The following KDR variants were observed in gnomAD, a reference collection of about 807,000 sequenced individuals.
KDR encodes vascular endothelial growth factor receptor 2.
In KDR, 43 loss-of-function variants were observed where a neutral mutation model predicts 160.9. That is an observed-to-expected ratio of 0.27 (90% CI 0.21 to 0.34). The LOEUF (loss-of-function observed/expected upper bound fraction) is 0.34. Ranked by LOEUF, KDR falls within the 10% of genes least tolerant of loss-of-function variation. The pLI is 1.00. For synonymous variants in KDR, 617 were observed against 600.1 expected, an observed-to-expected ratio of 1.03 and a Z score of -0.41; for missense variants, 1,469 against 1,666.4, an observed-to-expected ratio of 0.88 and a Z score of 2.06.
chr4:55,096,414 C>A, intron 18 of KDR, 72 bp from the exon 19 acceptor site: 1 of 1,009,358 alleles, frequency 9.9e-7, no homozygotes, highest in Non-Finnish European at 1.6e-6. Context: ...CCCTCCCTCC[C>A]TGCATGCCAC....
chr4:55,095,143 G>T (rs1309255938), intron 20 of KDR, among the ~76,000 whole-genome samples, 188 bp from the exon 21 acceptor site: 1 of 152,122 alleles, frequency 6.6e-6, no homozygotes, highest in Non-Finnish European at 1.5e-5. Context: ...GCATAATAGG[G>T]TTTCTTCCAC....
In KDR at chr4:55,125,221, C is replaced by A; in HGVS notation, c.67+6G>T. ...CTGCCTTCCTCCTCCAGAGTGGGCT[C>A]CTTACCCACAGAGGCGGCCCGGGTC... On this transcript the variant is annotated splice_donor_region_variant and intron_variant, in intron 1 of 29. Transcript: ENST00000263923. 1 of 1,611,724 alleles carries A rather than the reference C, an allele frequency of 6.2e-7. No individual in the cohort carries two copies. Among genetic ancestry groups the A allele is most frequent in the Admixed American group, 1.7e-5 (1 of 59,790 alleles).
chr4:55,083,921 T>G (rs1431467628), intron 27 of KDR, among the ~76,000 whole-genome samples: 1 of 152,148 alleles, frequency 6.6e-6, no homozygotes, highest in African/African-American at 2.4e-5. Flanking sequence ...GTCCAACCCC[T>G]AAAAGTAACA....
intron 21 of KDR, among the ~76,000 whole-genome samples, chr4:55,094,593 G>T (rs1720102853): frequency 6.6e-6 from 1 of 152,178 alleles, no homozygotes; most frequent in African/African-American, 2.4e-5. Context: ...GATTTCTCAG[G>T]CTAGCCCTGC....
chr4:55,087,854 A>T, intron 26 of KDR, 96 bp from the exon 27 acceptor site: 1 of 1,123,942 alleles, frequency 8.9e-7, no homozygotes, highest in Non-Finnish European at 1.3e-6. Flanking sequence ...TTGGCTACAT[A>T]GGGTGTGTGG....
chr4:55,113,993 G>A (rs1258587226), intron 6 of KDR, 133 bp downstream of exon 6: 2 of 856,992 alleles, frequency 2.3e-6, no homozygotes, highest in African/African-American at 1.7e-5. Context: ...GTGTGTGTGA[G>A]TGGGTGTGTA....
Position 55,125,400 on chromosome 4 carries a change from G to C in KDR, c.-107C>G, listed in dbSNP as rs750071532. The C allele has an allele frequency of 8.7e-6, 12 of 1,385,594 alleles. No individual in the cohort carries two copies. Among genetic ancestry groups the C allele is most frequent in the Non-Finnish European group, 1.2e-5 (12 of 1,008,552 alleles). The allele number at this position is 1,385,594 out of a possible 1,614,324, so 85.8% of individuals were successfully genotyped here. A position where few individuals can be genotyped will look rare whatever the true frequency, so the allele number is the denominator to read the frequency against. ...GAGGTGGAACTCGCGGCACCCCGCA[G>C]CGCAGGACAGTTGAGCGCACAGGGC... On this transcript the variant is annotated 5_prime_UTR_variant, in exon 1 of 30. Transcript: ENST00000263923.
chr4:55,115,850 T>C (rs1050802690), intron 3 of KDR, among the ~76,000 whole-genome samples: 1 of 152,238 alleles, frequency 6.6e-6, no homozygotes, highest in Non-Finnish European at 1.5e-5. Context: ...AATACTCATG[T>C]GCTCTCTCTT....
chr4:55,118,675 T>C lies in KDR; in HGVS notation c.287A>G (p.Asn96Ser), dbSNP rs749008787. 3 of 1,614,202 alleles carry C rather than the reference T, an allele frequency of 1.9e-6. No homozygotes were observed. The highest frequency in any genetic ancestry group is 3.3e-5 in the Admixed American group (2 of 60,022). ...KTLTIPKVIG[N>S]DTGAYKCFYR... ...GAAGCACTTGTAGGCTCCAGTGTCA[T>C]TTCCGATCACTTTTGGAATTGTGAG... is the stretch of plus-strand genomic sequence containing the variant. The change falls in exon 3 of 30, where the codon AAT (asparagine) becomes AGT (serine). Residue 96 changes from asparagine to serine, a missense_variant. By Grantham distance (46) the Asn-to-Ser change is conservative. Around this residue, in one of 7 missense-constraint regions of KDR, gnomAD observed 792 missense variants for 840.9 expected, o/e 0.94. Coordinates refer to ENST00000263923, the MANE Select transcript of KDR (RefSeq NM_002253.4).
At position 55,115,282 on chromosome 4, in the gene KDR, G is replaced by C. The variant is rs1187037524; in HGVS notation, c.488C>G (p.Ala163Gly). 1 of 1,609,190 alleles carries C rather than the reference G, an allele frequency of 6.2e-7. No homozygotes were observed. Among genetic ancestry groups the C allele is most frequent in the South Asian group, 1.1e-5 (1 of 90,960 alleles). Residue 163 changes from alanine (A) to glycine (G), a missense_variant and splice_region_variant, in exon 4 of 30, where the codon GCA becomes GGA. By Grantham distance (60) the Ala-to-Gly change is moderately conservative (BLOSUM62 0). Coordinates refer to ENST00000263923, the MANE Select transcript of KDR (RefSeq NM_002253.4). The part of the protein sequence containing the change: ...SISNLNVSLC[A>G]RYPEKRFVPD... ...ACGATTGGAGGAGATGCAACTTACT[G>C]CACAAAGTGACACGTTGAGATTTGA...
chr4:55,093,296 A>G (rs1028970378), intron 21 of KDR, among the ~76,000 whole-genome samples: 5 of 152,232 alleles, frequency 3.3e-5, no homozygotes, highest in South Asian at 2.1e-4. Flanking sequence ...AAACATGGAA[A>G]GATAAATTTA....
chr4:55,124,943 C>T (rs1720992836), intron 1 of KDR, among the ~76,000 whole-genome samples: 1 of 152,178 alleles, frequency 6.6e-6, no homozygotes, highest in Non-Finnish European at 1.5e-5. Flanking sequence ...CTCCCAAGAG[C>T]CTGAGGGTGT....
At chr4:55,082,134 C>G in intron 28 of KDR, 93 bp from the exon 29 acceptor site, 2 of 935,178 alleles carry the variant, frequency 2.1e-6, no homozygotes, top group Non-Finnish European at 3.5e-6. Flanking sequence ...TCTATCATGT[C>G]TATCAAATAA....
intron 15 of KDR, among the ~76,000 whole-genome samples, chr4:55,099,865 T>G (rs1483683927): frequency 6.6e-6 from 1 of 151,768 alleles, no homozygotes; most frequent in East Asian, 1.9e-4. Flanking sequence ...GGAGTCTGAG[T>G]GAGGAGAAGA....
At chr4:55,111,561 A>G (rs1720583181) in intron 7 of KDR, among the ~76,000 whole-genome samples, 1 of 152,012 alleles carries the variant, frequency 6.6e-6, no homozygotes, top group Admixed American at 6.6e-5. Flanking sequence ...CTCAACTCTC[A>G]CTTGGATAAC....
In KDR at chr4:55,098,744, T is replaced by G. The variant is rs767778903; in HGVS notation, c.2326A>C (p.Met776Leu). The change falls in exon 16 of 30, where the codon ATG becomes CTG. Residue 776 changes from methionine (M) to leucine (L), a missense_variant. This residue lies in a region of KDR where 118 missense variants were observed against 110.8 expected (regional missense o/e 1.06). Coordinates refer to ENST00000263923, the MANE Select transcript of KDR (RefSeq NM_002253.4). ...IILVGTAVIAMFFWLLLVIIL... is the reference protein window; with the variant it reads ...IILVGTAVIALFFWLLLVIIL... ...ATGACAAGAAGTAGCCAGAAGAACA[T>G]GGCAATCACCGCCGTGCCTACTAGA... is the stretch of plus-strand genomic sequence containing the variant. 5 of 1,613,360 alleles carry G rather than the reference T, an allele frequency of 3.1e-6. No homozygotes were observed. Among genetic ancestry groups the G allele is most frequent in the Non-Finnish European group, 1.7e-6 (2 of 1,179,572 alleles).
At chr4:55,120,829 G>GGTGTGGGT (rs1553914916) in intron 2 of KDR, among the ~76,000 whole-genome samples, 1 of 115,400 alleles carries the variant, frequency 8.7e-6, no homozygotes, top group African/African-American at 3.4e-5. Context: ...TTGGAATGTG[G>GGTGTGGGT]GTGTGGGTGT....
chr4:55,119,472 G>T (rs1334973178), intron 2 of KDR, among the ~76,000 whole-genome samples: 1 of 152,152 alleles, frequency 6.6e-6, no homozygotes, highest in African/African-American at 2.4e-5. Context: ...AAAAAGTAAG[G>T]AAAGTTTATT....
intron 3 of KDR, 137 bp from the exon 4 acceptor site, chr4:55,115,548 T>C: frequency 1.6e-6 from 1 of 635,862 alleles, no homozygotes; most frequent in Non-Finnish European, 2.8e-6. Flanking sequence ...CATCCACAGA[T>C]TATTCTGCTG....
Sources: gnomAD v4.1 joint callset for allele counts (sites outside exome capture counted in the v4.1 genomes callset) on GRCh38, gnomAD v4.1.1 for gene constraint, gnomAD v4.1.1 regional missense constraint, MANE v1.5 for transcripts, NCBI Gene and HGNC (gene_info 2026-07-23, HGNC 2026-07-21) for gene names.